SERGEF: variants seen among roughly 807,000 people sequenced by gnomAD.
SERGEF encodes the protein secretion regulating guanine nucleotide exchange factor, also known as secretion-regulating guanine nucleotide exchange factor.
In SERGEF, 51 loss-of-function variants were observed where a neutral mutation model predicts 50.0. The ratio of observed to expected loss-of-function variants is 1.02; its 90% CI spans 0.81 to 1.29. The LOEUF (loss-of-function observed/expected upper bound fraction) is 1.29, where lower values mean the gene tolerates loss of function less well. Ranked by LOEUF, SERGEF falls within the 50% of genes most tolerant of loss-of-function variation. SERGEF has a pLI of 0.00. For synonymous variants in SERGEF, 205 were observed against 212.4 expected, an observed-to-expected ratio of 0.97 and a Z score of 0.30; for missense variants, 521 against 557.0, an observed-to-expected ratio of 0.94 and a Z score of 0.65.
chr11:18,008,357 T>C (rs891631264), intron 1 of SERGEF, among the ~76,000 whole-genome samples: 6 of 152,114 alleles, frequency 3.9e-5, no homozygotes, highest in African/African-American at 1.4e-4. Context: ...CTCATGACCA[T>C]AACAGTGGAG....
At chr11:17,970,765 A>AC (rs1853231732) in intron 8 of SERGEF, among the ~76,000 whole-genome samples, 1 of 152,226 alleles carries the variant, frequency 6.6e-6, no homozygotes, top group South Asian at 2.1e-4. Flanking sequence ...GAAACCAGCC[A>AC]CAACATTCTC....
At chr11:17,806,966 C>T (rs1849769871) in intron 10 of SERGEF, among the ~76,000 whole-genome samples, 1 of 152,164 alleles carries the variant, frequency 6.6e-6, no homozygotes, top group African/African-American at 2.4e-5. Context: ...CCTTACTTCT[C>T]TCCTCCAGGA....
intron 9 of SERGEF, among the ~76,000 whole-genome samples, chr11:17,951,531 C>T (rs781292936): frequency 3.9e-4 from 59 of 152,198 alleles, no homozygotes; most frequent in Non-Finnish European, 7.1e-4. Context: ...CCAATACTTA[C>T]TGAGGCTATT....
chr11:17,996,941 C>T (rs1447136532), intron 5 of SERGEF, among the ~76,000 whole-genome samples: 1 of 152,062 alleles, frequency 6.6e-6, no homozygotes, highest in African/African-American at 2.4e-5. Context: ...AAAAAATGGG[C>T]AAAGATGTAA....
chr11:17,947,932 A>G (rs541754460), intron 9 of SERGEF, among the ~76,000 whole-genome samples: 4 of 151,970 alleles, frequency 2.6e-5, no homozygotes, highest in African/African-American at 9.7e-5. Flanking sequence ...TAAAAAATCC[A>G]ATTGTTCCTA....
intron 9 of SERGEF, among the ~76,000 whole-genome samples, chr11:17,881,471 C>A (rs984624237): frequency 6.6e-6 from 1 of 152,222 alleles, no homozygotes; most frequent in Non-Finnish European, 1.5e-5. Flanking sequence ...CCACAGGCTG[C>A]AAAATCCCAG....
At chr11:17,982,545 C>G (rs1022669678) in intron 8 of SERGEF, among the ~76,000 whole-genome samples, 2 of 152,202 alleles carry the variant, frequency 1.3e-5, no homozygotes, top group African/African-American at 4.8e-5. Context: ...CCCATGAGGT[C>G]AGAATCTCCC....
intron 10 of SERGEF, among the ~76,000 whole-genome samples, chr11:17,824,169 C>CGG (rs1172405686): frequency 1.1e-4 from 16 of 152,160 alleles, no homozygotes; most frequent in African/African-American, 3.4e-4. Context: ...GGCGTGGTGG[C>CGG]GGGCGCCTGT....
At chr11:17,867,414 T>A (rs2133888578) in intron 10 of SERGEF, among the ~76,000 whole-genome samples, 1 of 152,340 alleles carries the variant, frequency 6.6e-6, no homozygotes, top group South Asian at 2.1e-4. Context: ...CACAGCCAGG[T>A]CATGCTGATG....
intron 9 of SERGEF, among the ~76,000 whole-genome samples, chr11:17,898,626 T>C (rs1851689543): frequency 6.6e-6 from 1 of 152,132 alleles, no homozygotes; most frequent in Non-Finnish European, 1.5e-5. Flanking sequence ...GTTTGAGGGG[T>C]AGGAAAACGT....
At position 17,888,056 on chromosome 11, in the gene SERGEF, C is replaced by T. The variant is rs1332010899; in HGVS notation, c.1012-9812G>A. Among the ~76,000 whole-genome samples, 1 of 152,174 alleles carries T rather than the reference C, an allele frequency of 6.6e-6. No individual in the cohort carries two copies. The highest frequency in any genetic ancestry group is 1.5e-5 in the Non-Finnish European group (1 of 68,030). On this transcript the variant is annotated intron_variant, in intron 9 of 10. Transcript: ENST00000265965. This position sits in a 1 kb window ranked among gnomAD's most constrained non-coding sequence, Gnocchi z 4.1. ...ATATGAGCACAAACCCTATTGTGAA[C>T]TCCGCGTGGGAGGGATCTAGGCTGC...
chr11:17,804,140 C>G (rs2133828650), intron 10 of SERGEF, among the ~76,000 whole-genome samples: 1 of 152,334 alleles, frequency 6.6e-6, no homozygotes, highest in East Asian at 1.9e-4. Context: ...ATTTTTCAAA[C>G]AGTGGCCCGA....
chr11:17,811,149 C>T (rs145149185), intron 10 of SERGEF, among the ~76,000 whole-genome samples: 7 of 152,308 alleles, frequency 4.6e-5, no homozygotes, highest in Non-Finnish European at 1.0e-4. Context: ...TCACCTAACC[C>T]AATTCCTAAA....
intron 8 of SERGEF, among the ~76,000 whole-genome samples, chr11:17,973,315 C>G (rs1853292133): frequency 6.6e-6 from 1 of 152,226 alleles, no homozygotes; most frequent in Admixed American, 6.5e-5. Context: ...CCAGTGAATT[C>G]TGCAAAGCCC....
At chr11:17,968,197 A>C (rs956360879) in intron 8 of SERGEF, among the ~76,000 whole-genome samples, 8 of 152,230 alleles carry the variant, frequency 5.3e-5, no homozygotes, top group Non-Finnish European at 8.8e-5. Context: ...GTTGAACAGT[A>C]GGAATTGTAG....
At chr11:18,012,779 G>T (rs1433199604) in intron 1 of SERGEF, 172 bp downstream of exon 1, 6 of 625,576 alleles carry the variant, frequency 9.6e-6, no homozygotes, top group African/African-American at 2.3e-5. Context: ...TTCCTTCCCC[G>T]CCCGCCCGCT....
intron 10 of SERGEF, among the ~76,000 whole-genome samples, chr11:17,830,549 A>AGAG: frequency 6.7e-6 from 1 of 149,192 alleles, no homozygotes; most frequent in Non-Finnish European, 1.5e-5. Context: ...AGAGGAAGAG[A>AGAG]GAGGGAGAGA....
At chr11:17,982,893 G>C (rs2133991196) in intron 8 of SERGEF, among the ~76,000 whole-genome samples, 1 of 152,298 alleles carries the variant, frequency 6.6e-6, no homozygotes, top group East Asian at 1.9e-4. Context: ...ACCGATGGAA[G>C]GGAGAAAATT....
At chr11:17,968,617 T>C (rs1853181173) in intron 8 of SERGEF, among the ~76,000 whole-genome samples, 1 of 151,794 alleles carries the variant, frequency 6.6e-6, no homozygotes, top group African/African-American at 2.4e-5. Context: ...GGTGGAAAGA[T>C]TGCTTAAGCC....
Sources: allele counts gnomAD v4.1 joint callset (sites outside exome capture counted in the v4.1 genomes callset), GRCh38; gene constraint gnomAD v4.1.1; non-coding constraint Gnocchi (gnomAD v3.1); transcripts MANE v1.5; gene names NCBI Gene and HGNC (gene_info 2026-07-23, HGNC 2026-07-21).